TRPM3: variants seen among roughly 807,000 people sequenced by gnomAD.
TRPM3 encodes transient receptor potential cation channel subfamily M member 3.
Under a neutral mutation model 181.2 loss-of-function variants are expected in TRPM3, and 77 were observed. The observed-to-expected ratio is 0.42, with a 90% CI of 0.35 to 0.51. The LOEUF (loss-of-function observed/expected upper bound fraction) is 0.51, where lower values mean the gene tolerates loss of function less well. Among genes scored for constraint, TRPM3 ranks in the 20% least tolerant of loss-of-function variants. TRPM3 has a pLI of 0.01. For synonymous variants in TRPM3, 745 were observed against 796.4 expected (o/e 0.94, Z 1.09); for missense variants, 1,759 against 2,196.7 (o/e 0.80, Z 3.98).
At chr9:70,885,174 G>A (rs1324215949) in intron 1 of TRPM3, among the ~76,000 whole-genome samples, 2 of 152,144 alleles carry the variant, frequency 1.3e-5, no homozygotes, top group Non-Finnish European at 2.9e-5. Flanking sequence ...GGTGCCATAA[G>A]AAGTATCTTC....
intron 1 of TRPM3, among the ~76,000 whole-genome samples, chr9:71,371,347 C>T (rs1269070153): frequency 2.0e-5 from 3 of 152,072 alleles, no homozygotes; most frequent in Non-Finnish European, 4.4e-5. Context: ...TTCTAGATGC[C>T]ACTAAGAACA....
intron 1 of TRPM3, among the ~76,000 whole-genome samples, chr9:70,901,155 A>G (rs1048465702): frequency 7.9e-5 from 12 of 152,250 alleles, no homozygotes; most frequent in African/African-American, 2.9e-4. Flanking sequence ...ACATGTAGCC[A>G]GGAATCAGGT....
chr9:71,399,781 T>G (rs1241375978), intron 1 of TRPM3, among the ~76,000 whole-genome samples: 1 of 152,200 alleles, frequency 6.6e-6, no homozygotes, highest in East Asian at 1.9e-4. Context: ...TCCGCCCGCC[T>G]TGGGCTTCCA....
intron 1 of TRPM3, among the ~76,000 whole-genome samples, chr9:71,415,781 T>C (rs2093628034): frequency 6.6e-6 from 1 of 151,912 alleles, no homozygotes. Context: ...TCTCCATTTC[T>C]AAAAGTTTCT....
chr9:70,896,440 A>G (rs1589612579), intron 1 of TRPM3, among the ~76,000 whole-genome samples: 1 of 152,318 alleles, frequency 6.6e-6, no homozygotes, highest in East Asian at 1.9e-4. Context: ...TCAGCTGCAC[A>G]TATTGATTAC....
At chr9:70,548,057 C>T (rs1313659598) in intron 25 of TRPM3, among the ~76,000 whole-genome samples, 1 of 152,180 alleles carries the variant, frequency 6.6e-6, no homozygotes, top group East Asian at 1.9e-4. Context: ...AGGTCTATGG[C>T]TTTTCTGAAT....
intron 1 of TRPM3, among the ~76,000 whole-genome samples, chr9:71,291,017 A>G (rs1376343778): frequency 6.6e-6 from 1 of 152,194 alleles, no homozygotes; most frequent in Non-Finnish European, 1.5e-5. Flanking sequence ...TATTTGATTC[A>G]AAAAGATAAA....
chr9:71,070,430 G>A (rs556586490), intron 1 of TRPM3, among the ~76,000 whole-genome samples: 1 of 152,128 alleles, frequency 6.6e-6, no homozygotes, highest in Admixed American at 6.5e-5. Flanking sequence ...CTCTGCACCA[G>A]GTTGTGGAAC....
At chr9:70,916,057 G>A (rs1265061424) in intron 1 of TRPM3, among the ~76,000 whole-genome samples, 2 of 152,188 alleles carry the variant, frequency 1.3e-5, no homozygotes, top group Non-Finnish European at 2.9e-5. Context: ...CTTCTTAGTG[G>A]AAACCTTATA....
At chr9:71,391,452 AAT>A (rs1240018275) in intron 1 of TRPM3, among the ~76,000 whole-genome samples, 1 of 152,082 alleles carries the variant, frequency 6.6e-6, no homozygotes, top group African/African-American at 2.4e-5. Flanking sequence ...TCCTCAACAA[AAT>A]AGTGATTTTT....
At chr9:71,261,920 CAT>C (rs1160129661) in intron 1 of TRPM3, among the ~76,000 whole-genome samples, 3 of 152,138 alleles carry the variant, frequency 2.0e-5, no homozygotes, top group Non-Finnish European at 4.4e-5. Flanking sequence ...TGGGAGCTCT[CAT>C]GTATGAAGTG....
intron 1 of TRPM3, among the ~76,000 whole-genome samples, chr9:71,304,040 T>G (rs2087028900): frequency 6.6e-6 from 1 of 152,152 alleles, no homozygotes; most frequent in Admixed American, 6.6e-5. Flanking sequence ...AATTAATATG[T>G]TAGTAACTCA....
chr9:70,819,937 T>G (rs1287399612), intron 6 of TRPM3, among the ~76,000 whole-genome samples: 2 of 152,218 alleles, frequency 1.3e-5, no homozygotes, highest in Admixed American at 1.3e-4. Context: ...CCTCTTCTTC[T>G]AATTTTTTTG....
At chr9:71,251,068 A>G (rs989924) in intron 1 of TRPM3, among the ~76,000 whole-genome samples, 42,016 of 151,998 alleles carry the variant, frequency 0.28, 6,209 homozygotes, top group Admixed American at 0.36. Context: ...GGATGGGAAG[A>G]TAAGTATTCT....
chr9:71,205,005 T>C (rs936801031), intron 1 of TRPM3, among the ~76,000 whole-genome samples: 2 of 151,906 alleles, frequency 1.3e-5, no homozygotes, highest in Middle Eastern at 3.4e-3. Context: ...TAGATGGGAA[T>C]TGAACAATGA....
intron 1 of TRPM3, among the ~76,000 whole-genome samples, chr9:71,435,021 A>G (rs1456754344): frequency 1.3e-5 from 2 of 152,176 alleles, no homozygotes; most frequent in Non-Finnish European, 2.9e-5. Flanking sequence ...TAATAATTGC[A>G]TTTTGCAATA....
At chr9:71,080,286 C>T (rs944501936) in intron 1 of TRPM3, among the ~76,000 whole-genome samples, 2 of 152,044 alleles carry the variant, frequency 1.3e-5, no homozygotes, top group Non-Finnish European at 2.9e-5. Flanking sequence ...CTAAAGGATG[C>T]TAGCACCCTA....
intron 6 of TRPM3, among the ~76,000 whole-genome samples, chr9:70,805,534 GAAAAAAAA>G (rs534322844): frequency 2.2e-4 from 18 of 82,754 alleles, no homozygotes; most frequent in African/African-American, 4.0e-4. Context: ...ACTCCATCTC[GAAAAAAAA>G]AAAAAAAAAA....
intron 8 of TRPM3, 131 bp from the exon 9 acceptor site, chr9:70,681,709 AC>A: frequency 2.6e-6 from 2 of 755,844 alleles, no homozygotes; most frequent in Admixed American, 4.6e-5. Flanking sequence ...GGGTAAGCAC[AC>A]ATAACAAGAA....
Sources: allele counts gnomAD v4.1 joint callset (sites outside exome capture counted in the v4.1 genomes callset), GRCh38; gene constraint gnomAD v4.1.1; transcripts MANE v1.5; gene names NCBI Gene and HGNC (gene_info 2026-07-23, HGNC 2026-07-21).